CCDC24: variants seen among roughly 807,000 people sequenced by gnomAD.
The protein encoded by CCDC24 is coiled-coil domain-containing protein 24.
In CCDC24, 34 loss-of-function variants were observed where a neutral mutation model predicts 31.6. That is an observed-to-expected ratio of 1.08 (90% CI 0.82 to 1.43). The LOEUF (loss-of-function observed/expected upper bound fraction) is 1.43. Ranked by LOEUF, CCDC24 falls within the 40% of genes most tolerant of loss-of-function variation. The pLI is 0.00. For synonymous variants in CCDC24, 175 were observed against 157.3 expected, an observed-to-expected ratio of 1.11 and a Z score of -0.84; for missense variants, 426 against 391.1, an observed-to-expected ratio of 1.09 and a Z score of -0.75.
chr1:43,992,671 C>T, intron 4 of CCDC24, 32 bp downstream of exon 4: 1 of 1,603,686 alleles, frequency 6.2e-7, no homozygotes, highest in Non-Finnish European at 8.5e-7. Context: ...GGGATCTGTC[C>T]CTGCTTGGCA....
At chr1:43,994,754 A>G in intron 5 of CCDC24, 1 of 294,118 alleles carries the variant, frequency 3.4e-6, no homozygotes, top group South Asian at 7.5e-5. Context: ...CCTGTTTCAA[A>G]AATAAATACC....
At chr1:43,992,490 C>A (rs560534836) in intron 3 of CCDC24, 33 bp from the exon 4 acceptor site, 1 of 1,612,394 alleles carries the variant, frequency 6.2e-7, no homozygotes, top group East Asian at 2.2e-5. Flanking sequence ...CAGAAAGGAG[C>A]CTCTCAGCTT....
In CCDC24 at chr1:43,995,864, A is replaced by C; in HGVS notation, c.701+8A>C. 2 of 1,614,178 alleles carry C rather than the reference A, an allele frequency of 1.2e-6. No homozygotes were observed. The highest frequency in any genetic ancestry group is 1.7e-6 in the Non-Finnish European group (2 of 1,180,018). On this transcript the variant is annotated splice_region_variant and intron_variant, in intron 8 of 8. Coordinates refer to ENST00000372318, the MANE Select transcript of CCDC24 (RefSeq NM_152499.4). The surrounding 1 kb of genome is among the most constrained non-coding windows in gnomAD (Gnocchi z 4.3). ...TGTCTCTCCCAACCACAGGTAAACC[A>C]CAACAGTAGACACAGGGCAGGGTGG...
Position 43,996,104 on chromosome 1 carries a change from AG to A in CCDC24, c.871del (p.Glu291LysfsTer24), listed in dbSNP as rs1434512340. On this transcript the variant is annotated frameshift_variant, in exon 9 of 9. Coordinates refer to ENST00000372318, the MANE Select transcript of CCDC24 (RefSeq NM_152499.4). LOFTEE classifies it low-confidence loss of function (END_TRUNC). ...GGGACGGCAGCTTCAGTGCAGCCCC[AG>A]GGAAGGGCCAGCTTCCACACCCATG... ...RWGRQLQCSP[R>X]EGPASTPMSS... 1 of 1,613,570 alleles carries A rather than the reference AG, an allele frequency of 6.2e-7. No homozygotes were observed. Among genetic ancestry groups the A allele is most frequent in the Non-Finnish European group, 8.5e-7 (1 of 1,179,818 alleles).
rs2085834035 is a variant in CCDC24 at position 43,995,737 on chromosome 1, T to C, written c.623-41T>C. ...TCCCACCCCACACTTGTACACACCC[T>C]AGAAGAGCTGGGCACTGTCTCAGCC... On this transcript the variant is annotated intron_variant, in intron 7 of 8. Coordinates refer to ENST00000372318, the MANE Select transcript of CCDC24 (RefSeq NM_152499.4). This position sits in a 1 kb window ranked among gnomAD's most constrained non-coding sequence, Gnocchi z 4.3. 6.2e-7 allele frequency: 1 copy of C among 1,613,634 alleles called. No individual in the cohort carries two copies. Among genetic ancestry groups the C allele is most frequent in the East Asian group, 2.2e-5 (1 of 44,872 alleles).
At chr1:43,992,136 C>T in intron 2 of CCDC24, 76 bp from the exon 3 acceptor site, 1 of 1,521,268 alleles carries the variant, frequency 6.6e-7, no homozygotes, top group Non-Finnish European at 8.9e-7. Flanking sequence ...ACTCCGCCCT[C>T]TCCCTCACTC....
Position 43,995,190 on chromosome 1 carries a change from G to A in CCDC24, c.552+28G>A, listed in dbSNP as rs11580847. Reference sequence around the variant, plus strand: ...GAGCCGCAGCCCTGGGCCCTCCCCCGAGCCTCACTGCTGAGCGTAGACTCT... The same window carrying A: ...GAGCCGCAGCCCTGGGCCCTCCCCCAAGCCTCACTGCTGAGCGTAGACTCT... On this transcript the variant is annotated intron_variant, in intron 6 of 8. Transcript: ENST00000372318. This position sits in a 1 kb window ranked among gnomAD's most constrained non-coding sequence, Gnocchi z 4.3. 1.5e-4 allele frequency: 235 copies of A among 1,551,734 alleles called. No individual in the cohort carries two copies. In the African/African-American group the frequency reaches 2.7e-3, roughly 18 times the overall value.
rs763308349 is a variant in CCDC24 at position 43,996,174 on chromosome 1, G to A, written c.*14G>A. The stretch of plus-strand genomic sequence containing the variant: ...GCCCCAGCCTGAAGGGCTGGTCACC[G>A]AGTAGGCTCTGGCTTCTGCCACAGC... On this transcript the variant is annotated 3_prime_UTR_variant, in exon 9 of 9. Transcript: ENST00000372318. 34 of 1,549,758 alleles carry A rather than the reference G, an allele frequency of 2.2e-5. No individual in the cohort carries two copies. The highest frequency in any genetic ancestry group is 2.4e-5 in the Non-Finnish European group (28 of 1,147,402).
Position 43,996,106 on chromosome 1 carries a change from G to C in CCDC24, c.870G>C (p.Arg290Ser), listed in dbSNP as rs112173356. 1,377 of 1,613,508 alleles carry C rather than the reference G, an allele frequency of 8.5e-4. 13 individuals carry two copies. In the African/African-American group the frequency reaches 0.017, roughly 20 times the overall value. ...RWGRQLQCSP[R>S]EGPASTPMSS... ...GACGGCAGCTTCAGTGCAGCCCCAGGGAAGGGCCAGCTTCCACACCCATGT... is the reference window on the plus strand; with the variant it reads ...GACGGCAGCTTCAGTGCAGCCCCAGCGAAGGGCCAGCTTCCACACCCATGT... Residue 290 changes from arginine (R) to serine (S), a missense_variant, in exon 9 of 9, where the codon AGG becomes AGC. By Grantham distance (110) the Arg-to-Ser change is moderately radical (BLOSUM62 -1). Coordinates refer to ENST00000372318, the MANE Select transcript of CCDC24 (RefSeq NM_152499.4).
chr1:43,991,837 C>T lies in CCDC24; in HGVS notation c.-32-10C>T. On this transcript the variant is annotated splice_polypyrimidine_tract_variant and intron_variant, in intron 1 of 8. Transcript: ENST00000372318. ...GCGGTACCTCCCGCACTCTGACCTGCGGCCCGTAGGTCCGAGCCGGGGACG... is the reference window on the plus strand; with the variant it reads ...GCGGTACCTCCCGCACTCTGACCTGTGGCCCGTAGGTCCGAGCCGGGGACG... The T allele has an allele frequency of 1.3e-6, 2 of 1,544,862 alleles. No homozygotes were observed. The highest frequency in any genetic ancestry group is 1.7e-6 in the Non-Finnish European group (2 of 1,144,162).
At chr1:43,994,231 G>A (rs1192836470) in intron 5 of CCDC24, 2 of 442,762 alleles carry the variant, frequency 4.5e-6, no homozygotes, top group African/African-American at 3.9e-5. Flanking sequence ...GGGTCATTTG[G>A]GCCCAGGAAT....
rs1459425308 is a variant in CCDC24, at chr1:43,992,551, A to T, written c.331A>T (p.Ser111Cys). 2 of 1,614,198 alleles carry T rather than the reference A, an allele frequency of 1.2e-6. No individual in the cohort carries two copies. Among genetic ancestry groups the T allele is most frequent in the Non-Finnish European group, 1.7e-6 (2 of 1,180,036 alleles). Residue 111 changes from serine to cysteine, a missense_variant, in exon 4 of 9, where the codon AGC (serine) becomes TGC (cysteine). Physicochemically the swap from Ser to Cys is moderately radical, Grantham distance 112. Coordinates refer to ENST00000372318, the MANE Select transcript of CCDC24 (RefSeq NM_152499.4). The stretch of plus-strand genomic sequence containing the variant: ...CCAGGCCCAAGCTTGGGTCCAGTAT[A>T]GCCCCAGGGTCCTGCACTTTGCCTT... ...RDQAQAWVQY[S>C]PRVLHFALEE...
rs1429414567 is a variant in CCDC24, at chr1:43,995,942, CG to C, written c.708del (p.Leu238TrpfsTer77). Reference sequence around the variant, plus strand: ...CAGTTACTCTTTCTTGTCCAGGCAGCGGCCCTTGGGGTCCTCCACACAGGGC... The same window carrying C: ...CAGTTACTCTTTCTTGTCCAGGCAGCGCCCTTGGGGTCCTCCACACAGGGC... ...PSCVSPNHRQ[R>X]PLGSSTQGLR... On this transcript the variant is annotated frameshift_variant, in exon 9 of 9. Transcript: ENST00000372318. LOFTEE classifies it low-confidence loss of function (END_TRUNC). This position sits in a 1 kb window ranked among gnomAD's most constrained non-coding sequence, Gnocchi z 4.3. The C allele has an allele frequency of 1.2e-6, 2 of 1,613,794 alleles. No individual in the cohort carries two copies. Among genetic ancestry groups the C allele is most frequent in the East Asian group, 2.2e-5 (1 of 44,888 alleles).
At position 43,996,079 on chromosome 1, in the gene CCDC24, G is replaced by A. The variant is rs767026408; in HGVS notation, c.843G>A (p.Trp281Ter). 5 of 1,614,050 alleles carry A rather than the reference G, an allele frequency of 3.1e-6. No individual in the cohort carries two copies. The South Asian group carries it at 5.5e-5, about 18-fold the overall frequency. Reference protein sequence around the residue: ...RPRGQSATHRWGRQLQCSPRE... With the variant: ...RPRGQSATHR ...GAGGCCAGTCGGCTACCCACCGCTG[G>A]GGACGGCAGCTTCAGTGCAGCCCCA... Residue 281 changes from tryptophan (W) to a stop codon, truncating the protein, a stop_gained, in exon 9 of 9, where the codon TGG becomes TGA. Coordinates refer to ENST00000372318, the MANE Select transcript of CCDC24 (RefSeq NM_152499.4). LOFTEE classifies it low-confidence loss of function (END_TRUNC).
intron 3 of CCDC24, 59 bp from the exon 4 acceptor site, chr1:43,992,464 C>A: frequency 6.2e-7 from 1 of 1,612,606 alleles, no homozygotes; most frequent in Non-Finnish European, 8.5e-7. Context: ...GCCAGGGTTG[C>A]CTTTTCTGTG....
At position 43,995,043 on chromosome 1, in the gene CCDC24, T is replaced by G. The variant is rs369121329; in HGVS notation, c.498-65T>G. 5.2e-4 allele frequency: 768 copies of G among 1,471,934 alleles called. 4 individuals are homozygous for G. In the South Asian group the frequency reaches 6.2e-3, roughly 12 times the overall value. 91.2% of individuals were successfully genotyped at this position (1,471,934 alleles called of 1,614,324 possible). ...GCTGAGGCTGGAGGTTGGGGCCATG[T>G]GGTGGACTCAGCTGAGCCCTGGTCC... On this transcript the variant is annotated intron_variant, in intron 5 of 8. Transcript: ENST00000372318. The surrounding 1 kb of genome is among the most constrained non-coding windows in gnomAD (Gnocchi z 4.3).
At position 43,992,602 on chromosome 1, in the gene CCDC24, G is replaced by C. The variant is rs1188150849; in HGVS notation, c.382G>C (p.Glu128Gln). The change falls in exon 4 of 9, where the codon GAA becomes CAA. Residue 128 changes from glutamate (E) to glutamine (Q), a missense_variant. By Grantham distance (29) the Glu-to-Gln change is conservative. Coordinates refer to ENST00000372318, the MANE Select transcript of CCDC24 (RefSeq NM_152499.4). ...ALEEPRCDLP[E>Q]QEIFQMRGGG... ...GGAGGAGCCCAGGTGTGATTTGCCA[G>C]AACAGGAGATATTCCAGATGAGAGG... 2 of 1,614,220 alleles carry C rather than the reference G, an allele frequency of 1.2e-6. No homozygotes were observed. The highest frequency in any genetic ancestry group is 1.7e-5 in the Admixed American group (1 of 60,026).
Position 43,995,942 on chromosome 1 carries a change from C to T in CCDC24, c.706C>T (p.Arg236Trp), listed in dbSNP as rs757783599. The T allele has an allele frequency of 5.0e-6, 8 of 1,613,912 alleles. No individual in the cohort carries two copies. The highest frequency in any genetic ancestry group is 2.2e-5 in the South Asian group (2 of 91,064). The stretch of plus-strand genomic sequence containing the variant: ...CAGTTACTCTTTCTTGTCCAGGCAG[C>T]GGCCCTTGGGGTCCTCCACACAGGG... ...PSCVSPNHRQRPLGSSTQGLR... is the reference protein window; with the variant it reads ...PSCVSPNHRQWPLGSSTQGLR... The change falls in exon 9 of 9, where the codon CGG becomes TGG. Residue 236 changes from arginine to tryptophan, a missense_variant. Arg to Trp is a moderately radical substitution (Grantham distance 101). Coordinates refer to ENST00000372318, the MANE Select transcript of CCDC24 (RefSeq NM_152499.4). The surrounding 1 kb of genome is among the most constrained non-coding windows in gnomAD (Gnocchi z 4.3).
rs1212781136 is a variant in CCDC24, at chr1:43,991,668, G to A, written c.-111G>A. ...CCCCCGGCATCCGAGTCGGCCAAAA[G>A]CCGGGCAGAAGAGAGCGCCAAGGAC... On this transcript the variant is annotated 5_prime_UTR_variant, in exon 1 of 9. Transcript: ENST00000372318. 4 of 742,810 alleles carry A rather than the reference G, an allele frequency of 5.4e-6. No individual in the cohort carries two copies. Among genetic ancestry groups the A allele is most frequent in the East Asian group, 5.3e-5 (2 of 37,438 alleles). 46.0% of individuals were successfully genotyped at this position (742,810 alleles called of 1,614,324 possible).
Sources: gnomAD v4.1 joint callset for allele counts on GRCh38, gnomAD v4.1.1 for gene constraint, Gnocchi (gnomAD v3.1) non-coding constraint, MANE v1.5 for transcripts, NCBI Gene and HGNC (gene_info 2026-07-23, HGNC 2026-07-21) for gene names.